GRAMD1C: variants seen among roughly 807,000 people sequenced by gnomAD.
GRAMD1C encodes the protein protein Aster-C.
GRAMD1C carries 89 observed loss-of-function variants against 97.8 expected under a neutral mutation model. That is an observed-to-expected ratio of 0.91 (90% CI 0.77 to 1.09). The LOEUF (loss-of-function observed/expected upper bound fraction) is 1.09. GRAMD1C is among the 50% of genes least tolerant of loss of function. The probability of loss-of-function intolerance (pLI) is 0.00; values close to 1 mark genes in which losing one functional copy is unlikely to be tolerated. For synonymous variants in GRAMD1C, 256 were observed against 267.0 expected, an observed-to-expected ratio of 0.96 and a Z score of 0.40; for missense variants, 740 against 766.4, an observed-to-expected ratio of 0.97 and a Z score of 0.41.
chr3:113,867,625 A>C (rs1277393898), intron 2 of GRAMD1C, among the ~76,000 whole-genome samples: 1 of 152,154 alleles, frequency 6.6e-6, no homozygotes, highest in Non-Finnish European at 1.5e-5. Flanking sequence ...CTTGTAAAGC[A>C]GGTCTGTTCT....
Position 113,901,097 on chromosome 3 carries a change from G to T in GRAMD1C, c.607G>T (p.Ala203Ser), listed in dbSNP as rs758492067. 3.1e-6 allele frequency: 5 copies of T among 1,611,204 alleles called. No individual in the cohort carries two copies. The South Asian group carries it at 5.5e-5, about 18-fold the overall frequency. Residue 203 changes from alanine (A) to serine (S), a missense_variant, in exon 7 of 18, where the codon GCT (alanine) becomes TCT (serine). Physicochemically the swap from Ala to Ser is moderately conservative, Grantham distance 99. Transcript: ENST00000358160. ...CTATGGCACTGAGCTAGGTTTAAAT[G>T]CTGAGGAGATGGAAAACTTGTCACT... The part of the protein sequence containing the change: ...QNYGTELGLN[A>S]EEMENLSLSI...
Position 113,883,555 on chromosome 3 carries a change from C to G in GRAMD1C, c.540+723C>G, listed in dbSNP as rs145701905. On this transcript the variant is annotated intron_variant, in intron 6 of 17. Transcript: ENST00000358160. ...AAAAAAAAAAACAACCATGATCCAT[C>G]TATCCATCTTATATGCTGTATATAA... is the stretch of plus-strand genomic sequence containing the variant. 5.5e-3 allele frequency among the ~76,000 whole-genome samples: 827 copies of G among 150,668 alleles called. 4 individuals are homozygous for G. Among genetic ancestry groups the G allele is most frequent in the Middle Eastern group, 0.018 (5 of 284 alleles).
chr3:113,912,012 C>T (rs1317444552), intron 9 of GRAMD1C, among the ~76,000 whole-genome samples: 1 of 152,184 alleles, frequency 6.6e-6, no homozygotes, highest in Non-Finnish European at 1.5e-5. Flanking sequence ...CAGGCATGAG[C>T]CACCGCACCT....
Position 113,941,766 on chromosome 3 carries a change from G to A in GRAMD1C, c.1908+1421G>A, listed in dbSNP as rs946562229. Among the ~76,000 whole-genome samples the A allele has an allele frequency of 8.6e-5, 13 of 152,024 alleles. 1 individual carries two copies. In the South Asian group the frequency reaches 1.0e-3, roughly 12 times the overall value. Reference sequence around the variant, plus strand: ...CCTGAGTAGCTGGGATTACAGGCGCGTGCCACCATGCCTGGTTAATTTTTG... The same window carrying A: ...CCTGAGTAGCTGGGATTACAGGCGCATGCCACCATGCCTGGTTAATTTTTG... On this transcript the variant is annotated intron_variant, in intron 17 of 17. Coordinates refer to ENST00000358160, the MANE Select transcript of GRAMD1C (RefSeq NM_017577.5).
intron 1 of GRAMD1C, among the ~76,000 whole-genome samples, chr3:113,843,228 C>G (rs950995984): frequency 2.0e-5 from 3 of 151,822 alleles, no homozygotes; most frequent in African/African-American, 7.3e-5. Flanking sequence ...GCGCATGCCA[C>G]CATGCCAGGC....
intron 2 of GRAMD1C, among the ~76,000 whole-genome samples, chr3:113,859,079 A>T (rs1934267303): frequency 1.3e-5 from 2 of 151,870 alleles, no homozygotes; most frequent in African/African-American, 4.8e-5. Flanking sequence ...AGTTTCACTA[A>T]TTTCTGTTCT....
At chr3:113,928,971 C>A (rs373560100) in intron 10 of GRAMD1C, among the ~76,000 whole-genome samples, 1 of 151,476 alleles carries the variant, frequency 6.6e-6, no homozygotes, top group Admixed American at 6.6e-5. Flanking sequence ...GCTTCCAGTT[C>A]TTTTGGGTAT....
chr3:113,830,141 G>T (rs1488100226), intron 1 of GRAMD1C, among the ~76,000 whole-genome samples: 1 of 152,124 alleles, frequency 6.6e-6, no homozygotes, highest in South Asian at 2.1e-4. Flanking sequence ...CGAAGAACTG[G>T]TTAGGACTAG....
rs1256515482 is a variant in GRAMD1C, at chr3:113,875,569, C to A, written c.345C>A (p.Ile115=). 1.4e-6 allele frequency: 2 copies of A among 1,448,356 alleles called. No homozygotes were observed. Among genetic ancestry groups the A allele is most frequent in the Non-Finnish European group, 1.9e-6 (2 of 1,027,700 alleles). The allele number at this position is 1,448,356 out of a possible 1,614,324, so 89.7% of individuals were successfully genotyped here. A position where few individuals can be genotyped will look rare whatever the true frequency, so the allele number is the denominator to read the frequency against. The stretch of plus-strand genomic sequence containing the variant: ...ACTGGCTATGTTTCTATAGCAACAT[C>A]TTCAGATGGGAAACTACAGTAAGAC... ...SENWLCFYSN[I]FRWETTISIA... is the part of the protein sequence containing the mutation. Residue 115 remains isoleucine (I), a synonymous_variant, in exon 4 of 18, where the codon ATC becomes ATA. Coordinates refer to ENST00000358160, the MANE Select transcript of GRAMD1C (RefSeq NM_017577.5).
chr3:113,900,578 G>A (rs1174521074), intron 6 of GRAMD1C, among the ~76,000 whole-genome samples: 3 of 147,244 alleles, frequency 2.0e-5, no homozygotes, highest in African/African-American at 7.4e-5. Flanking sequence ...GCGCCACCAT[G>A]CCCAGCCAAT....
intron 7 of GRAMD1C, among the ~76,000 whole-genome samples, chr3:113,902,846 G>A (rs1936226486): frequency 6.6e-6 from 1 of 151,988 alleles, no homozygotes; most frequent in South Asian, 2.1e-4. Flanking sequence ...TTGCCATGTT[G>A]ATGAGGCTGG....
intron 6 of GRAMD1C, chr3:113,885,436 C>G (rs1447968526): frequency 6.4e-7 from 1 of 1,572,508 alleles, no homozygotes; most frequent in African/African-American, 1.3e-5. Flanking sequence ...TGATATCCTC[C>G]CCTTATCTCC....
At chr3:113,919,473 C>A in intron 10 of GRAMD1C, 1 of 521,430 alleles carries the variant, frequency 1.9e-6, no homozygotes, top group Non-Finnish European at 3.9e-6. Context: ...AAGAGTAATG[C>A]TCATGAATTT....
At chr3:113,864,715 G>T (rs546752288) in intron 2 of GRAMD1C, among the ~76,000 whole-genome samples, 1 of 152,220 alleles carries the variant, frequency 6.6e-6, no homozygotes, top group African/African-American at 2.4e-5. Context: ...CGGACGTTCT[G>T]TTCACAACCA....
chr3:113,870,201 T>C (rs539195686), intron 3 of GRAMD1C, among the ~76,000 whole-genome samples: 2 of 143,902 alleles, frequency 1.4e-5, no homozygotes, highest in South Asian at 4.4e-4. Flanking sequence ...GTCTGTATTA[T>C]AAAAAAAAAA....
At chr3:113,856,539 G>GTATT (rs1934136218) in intron 2 of GRAMD1C, among the ~76,000 whole-genome samples, 2 of 151,780 alleles carry the variant, frequency 1.3e-5, no homozygotes, top group African/African-American at 4.8e-5. Context: ...ATGTATGTAT[G>GTATT]TATGTATTTA....
In GRAMD1C at chr3:113,946,667, T is replaced by C. The variant is rs1273288898; in HGVS notation, c.*1189T>C. 1 of 152,154 alleles carries C rather than the reference T, an allele frequency of 6.6e-6. No individual in the cohort carries two copies. Among genetic ancestry groups the C allele is most frequent in the African/African-American group, 2.4e-5 (1 of 41,398 alleles). The allele number at this position is 152,154 out of a possible 1,614,324, so 9.4% of individuals were successfully genotyped here. A position where few individuals can be genotyped will look rare whatever the true frequency, so the allele number is the denominator to read the frequency against. On this transcript the variant is annotated 3_prime_UTR_variant, in exon 18 of 18. Transcript: ENST00000358160. ...TCTGGGGAAAAAATACATATCCATC[T>C]ATCTATCTATATATAAACTGTGTAT...
At chr3:113,919,726 C>T in intron 10 of GRAMD1C, 2 of 593,584 alleles carry the variant, frequency 3.4e-6, no homozygotes, top group East Asian at 4.2e-5. Context: ...TAGAAGTGGG[C>T]ATTGAAGATT....
intron 17 of GRAMD1C, among the ~76,000 whole-genome samples, chr3:113,941,918 C>A (rs1325012452): frequency 7.0e-5 from 10 of 143,110 alleles, no homozygotes; most frequent in African/African-American, 2.7e-4. Context: ...CGTGCCCGGC[C>A]ATCTTTTTTT....
Sources: allele counts gnomAD v4.1 joint callset (sites outside exome capture counted in the v4.1 genomes callset), GRCh38; gene constraint gnomAD v4.1.1; transcripts MANE v1.5; gene names NCBI Gene and HGNC (gene_info 2026-07-23, HGNC 2026-07-21).